The following FAT3 variants were observed in gnomAD, a reference collection of about 807,000 sequenced individuals.
The protein encoded by FAT3 is FAT atypical cadherin 3.
Under a neutral mutation model 310.2 loss-of-function variants are expected in FAT3, and 95 were observed. The observed-to-expected ratio is 0.31, with a 90% CI of 0.26 to 0.36. FAT3 has a LOEUF of 0.36. Ranked by LOEUF, FAT3 falls within the 10% of genes least tolerant of loss-of-function variation. The probability of loss-of-function intolerance (pLI) is 1.00; values close to 1 mark genes in which losing one functional copy is unlikely to be tolerated. For synonymous variants in FAT3, 2,314 were observed against 2,192.9 expected (o/e 1.06, Z -1.54); for missense variants, 5,408 against 5,715.6 (o/e 0.95, Z 1.74).
intron 1 of FAT3, among the ~76,000 whole-genome samples, chr11:92,229,974 G>C (rs1864101532): frequency 6.6e-6 from 1 of 152,028 alleles, no homozygotes; most frequent in Non-Finnish European, 1.5e-5. Context: ...CCTAGAGGAG[G>C]TGTGAGGAGG....
chr11:92,248,894 G>T (rs750282330), intron 1 of FAT3, among the ~76,000 whole-genome samples: 42 of 151,982 alleles, frequency 2.8e-4, no homozygotes, highest in Non-Finnish European at 4.4e-5. Flanking sequence ...GGAACTTTAG[G>T]GCTGGAAGAA....
intron 22 of FAT3, among the ~76,000 whole-genome samples, chr11:92,877,405 C>G (rs1450970817): frequency 6.6e-6 from 1 of 152,172 alleles, no homozygotes; most frequent in Non-Finnish European, 1.5e-5. Context: ...TGTGACGAGG[C>G]CTGCAGGTGA....
chr11:92,287,739 G>A (rs558166871), intron 1 of FAT3, among the ~76,000 whole-genome samples: 18 of 152,034 alleles, frequency 1.2e-4, no homozygotes, highest in East Asian at 3.9e-4. Flanking sequence ...AACATTTACC[G>A]AAGAAGCCAA....
intron 2 of FAT3, among the ~76,000 whole-genome samples, chr11:92,423,977 C>A (rs11019951): frequency 9.2e-5 from 14 of 152,164 alleles, no homozygotes; most frequent in Admixed American, 6.6e-5. Flanking sequence ...ACAAGTGGGT[C>A]TCATGGCCTA....
At chr11:92,633,951 A>G (rs1941657495) in intron 3 of FAT3, among the ~76,000 whole-genome samples, 1 of 152,206 alleles carries the variant, frequency 6.6e-6, no homozygotes, top group Admixed American at 6.5e-5. Flanking sequence ...GTGGATACAG[A>G]TATTAAATGA....
chr11:92,665,636 T>G (rs1942924833), intron 3 of FAT3, among the ~76,000 whole-genome samples: 1 of 152,208 alleles, frequency 6.6e-6, no homozygotes, highest in East Asian at 1.9e-4. Flanking sequence ...CAGTCACATG[T>G]GAACTCTTCT....
At chr11:92,493,833 G>T (rs758881677) in intron 2 of FAT3, among the ~76,000 whole-genome samples, 31 of 151,986 alleles carry the variant, frequency 2.0e-4, no homozygotes, top group Non-Finnish European at 2.5e-4. Context: ...CATTCTATTA[G>T]TACCCCTGGG....
chr11:92,268,473 T>C (rs1946029342), intron 1 of FAT3, among the ~76,000 whole-genome samples: 1 of 150,582 alleles, frequency 6.6e-6, no homozygotes, highest in Non-Finnish European at 1.5e-5. Context: ...AGATTTCCTT[T>C]TTTTTTTTTA....
At chr11:92,265,546 G>A (rs1005886081) in intron 1 of FAT3, among the ~76,000 whole-genome samples, 17 of 151,942 alleles carry the variant, frequency 1.1e-4, no homozygotes, top group African/African-American at 4.1e-4. Context: ...GAGAATCTGG[G>A]GGATTACTAA....
rs1419363264 is a variant in FAT3 at position 92,569,051 on chromosome 11, A to C, written c.3607+44103A>C. On this transcript the variant is annotated intron_variant, in intron 3 of 27. Coordinates refer to ENST00000525166, the MANE Select transcript of FAT3 (RefSeq NM_001367949.2). Reference sequence around the variant, plus strand: ...TTTGGGGGGTTGAAAGGTCTCTCCCAGTCAGCTGTCACATAACTGAACTTC... The same window carrying C: ...TTTGGGGGGTTGAAAGGTCTCTCCCCGTCAGCTGTCACATAACTGAACTTC... 2.6e-5 allele frequency among the ~76,000 whole-genome samples: 4 copies of C among 152,178 alleles called. No individual in the cohort carries two copies. In the East Asian group the frequency reaches 7.7e-4, roughly 29 times the overall value.
chr11:92,840,571 C>T lies in FAT3; in HGVS notation c.10378C>T (p.Pro3460Ser), dbSNP rs1291615005. The T allele has an allele frequency of 8.2e-6, 13 of 1,586,588 alleles. No homozygotes were observed. Among genetic ancestry groups the T allele is most frequent in the African/African-American group, 1.3e-5 (1 of 74,570 alleles). Reference sequence around the variant, plus strand: ...ATACTCTTTTATGCAGGAAAATAAGCCAGTGGGCACCAGCATCTTGCAGCT... The same window carrying T: ...ATACTCTTTTATGCAGGAAAATAAGTCAGTGGGCACCAGCATCTTGCAGCT... The part of the protein sequence containing the change: ...NYTAVIQENK[P>S]VGTSILQLVV... Residue 3460 changes from proline (P) to serine (S), a missense_variant, in exon 18 of 28, where the codon CCA becomes TCA. Physicochemically the swap from Pro to Ser is moderately conservative, Grantham distance 74. Transcript: ENST00000525166.
chr11:92,684,163 T>C (rs555669743), intron 3 of FAT3, among the ~76,000 whole-genome samples: 1 of 152,358 alleles, frequency 6.6e-6, no homozygotes, highest in African/African-American at 2.4e-5. Flanking sequence ...AAATGTCTTT[T>C]AATCTGGGTG....
rs542042537 is a variant in FAT3 at position 92,666,476 on chromosome 11, C to T, written c.3608-30908C>T. ...ACGCCATTCTCCTGCCTCAGCCTCCCGAGTAGCTGGGACTACAGACAACCG... is the reference window on the plus strand; with the variant it reads ...ACGCCATTCTCCTGCCTCAGCCTCCTGAGTAGCTGGGACTACAGACAACCG... On this transcript the variant is annotated intron_variant, in intron 3 of 27. Coordinates refer to ENST00000525166, the MANE Select transcript of FAT3 (RefSeq NM_001367949.2). Among the ~76,000 whole-genome samples, 182 of 151,332 alleles carry T rather than the reference C, an allele frequency of 1.2e-3. 1 individual carries two copies. The highest frequency in any genetic ancestry group is 1.7e-3 in the Non-Finnish European group (113 of 67,844).
chr11:92,334,028 C>T (rs1947990516), intron 1 of FAT3, among the ~76,000 whole-genome samples: 1 of 152,108 alleles, frequency 6.6e-6, no homozygotes, highest in Non-Finnish European at 1.5e-5. Flanking sequence ...CAAATATTTA[C>T]ATTTTGCCAT....
At chr11:92,419,583 T>C (rs1250150108) in intron 2 of FAT3, among the ~76,000 whole-genome samples, 2 of 152,284 alleles carry the variant, frequency 1.3e-5, no homozygotes, top group South Asian at 2.1e-4. Flanking sequence ...ACCTCAGCTT[T>C]CTTTAATCCT....
intron 1 of FAT3, among the ~76,000 whole-genome samples, chr11:92,267,210 G>A (rs1945988713): frequency 1.3e-5 from 2 of 152,084 alleles, no homozygotes; most frequent in South Asian, 2.1e-4. Context: ...AAAAATGGGG[G>A]CAAAGACAAG....
At chr11:92,705,846 ATGG>A (rs1944320891) in intron 4 of FAT3, among the ~76,000 whole-genome samples, 2 of 24,658 alleles carry the variant, frequency 8.1e-5, no homozygotes, top group African/African-American at 3.0e-4. Context: ...TGGTGGTGTG[ATGG>A]TGGTAGTGAT....
intron 7 of FAT3, among the ~76,000 whole-genome samples, chr11:92,788,396 A>C (rs911043495): frequency 1.3e-5 from 2 of 152,182 alleles, no homozygotes; most frequent in African/African-American, 4.8e-5. Context: ...CCAACTCACT[A>C]TTTCAAAAGA....
chr11:92,373,503 G>T (rs2134726994), intron 2 of FAT3, among the ~76,000 whole-genome samples: 1 of 152,148 alleles, frequency 6.6e-6, no homozygotes, highest in South Asian at 2.1e-4. Flanking sequence ...TGTCTACCTT[G>T]TGCATTCTAT....
Sources: allele counts gnomAD v4.1 joint callset (sites outside exome capture counted in the v4.1 genomes callset), GRCh38; gene constraint gnomAD v4.1.1; transcripts MANE v1.5; gene names NCBI Gene and HGNC (gene_info 2026-07-23, HGNC 2026-07-21).